The following RPS6KC1 variants were observed in gnomAD, a reference collection of about 807,000 sequenced individuals.
RPS6KC1 encodes ribosomal protein S6 kinase C1.
In RPS6KC1, 54 loss-of-function variants were observed where a neutral mutation model predicts 103.8. That is an observed-to-expected ratio of 0.52 (90% confidence interval 0.42 to 0.65). The LOEUF (loss-of-function observed/expected upper bound fraction) is 0.65, where lower values mean the gene tolerates loss of function less well. Ranked by LOEUF, RPS6KC1 falls within the 30% of genes least tolerant of loss-of-function variation. The pLI, the probability that RPS6KC1 is intolerant of heterozygous loss-of-function variation, is 0.00. For missense variants in RPS6KC1, 1,151 were observed against 1,253.8 expected, an observed-to-expected ratio of 0.92 and a Z score of 1.24; for synonymous variants, 439 against 438.7, an observed-to-expected ratio of 1.00 and a Z score of -0.01.
At chr1:213,347,932 C>T in the RPS6KC1 span, among the ~76,000 whole-genome samples, 4 of 152,066 alleles carry the variant, frequency 2.6e-5, no homozygotes, top group Admixed American at 1.3e-4. Context: ...GGTTATTAAG[C>T]ATACCCCAGG....
intron 12 of RPS6KC1, among the ~76,000 whole-genome samples, chr1:213,257,325 G>C (rs991940352): frequency 6.6e-6 from 1 of 152,164 alleles, no homozygotes; most frequent in Admixed American, 6.5e-5. Context: ...CGATTAGACA[G>C]ACCCATCTGG....
the RPS6KC1 span, among the ~76,000 whole-genome samples, chr1:213,856,221 G>A: frequency 1.3e-5 from 2 of 152,142 alleles, no homozygotes; most frequent in Non-Finnish European, 2.9e-5. Flanking sequence ...TATGGTGGCT[G>A]GAATGTGTCG....
chr1:213,296,954 T>C, the RPS6KC1 span, among the ~76,000 whole-genome samples: 1 of 152,212 alleles, frequency 6.6e-6, no homozygotes, highest in African/African-American at 2.4e-5. Context: ...CAGGTGGCCC[T>C]CTGCTCAGAA....
At chr1:213,655,746 T>A in the RPS6KC1 span, among the ~76,000 whole-genome samples, 8 of 152,212 alleles carry the variant, frequency 5.3e-5, no homozygotes, top group East Asian at 5.8e-4. Context: ...AAAATAAAAA[T>A]ATATATATAC....
intron 3 of RPS6KC1, among the ~76,000 whole-genome samples, chr1:213,094,392 T>C (rs1454761260): frequency 6.6e-6 from 1 of 152,146 alleles, no homozygotes; most frequent in Non-Finnish European, 1.5e-5. Flanking sequence ...TTTTAGCTTT[T>C]TTTTTTTGAT....
intron 4 of RPS6KC1, among the ~76,000 whole-genome samples, chr1:213,110,342 A>C (rs892464957): frequency 2.0e-5 from 3 of 151,948 alleles, no homozygotes; most frequent in Admixed American, 6.6e-5. Context: ...CTAAGTTCTG[A>C]TGTTTTTTTT....
intron 2 of RPS6KC1, among the ~76,000 whole-genome samples, chr1:213,074,233 ATATT>A (rs140245055): frequency 0.011 from 1,604 of 152,308 alleles, 28 homozygotes; most frequent in African/African-American, 0.032. Context: ...TATGTAGAAA[ATATT>A]TAAGGGAATG....
the RPS6KC1 span, among the ~76,000 whole-genome samples, chr1:213,320,426 T>C: frequency 1.3e-5 from 2 of 152,378 alleles, no homozygotes; most frequent in Admixed American, 1.3e-4. Flanking sequence ...AATTAATTTC[T>C]GTGAGCCACA....
At chr1:213,183,235 T>C (rs536674709) in intron 8 of RPS6KC1, among the ~76,000 whole-genome samples, 4 of 152,184 alleles carry the variant, frequency 2.6e-5, no homozygotes, top group South Asian at 4.2e-4. Context: ...ACTTCAACTG[T>C]CTCAAAAACT....
At chr1:213,244,896 A>C (rs2094429925) in intron 12 of RPS6KC1, among the ~76,000 whole-genome samples, 1 of 152,182 alleles carries the variant, frequency 6.6e-6, no homozygotes, top group African/African-American at 2.4e-5. Flanking sequence ...AAAGAATTGT[A>C]CTTCCAAGCT....
At chr1:213,364,667 G>C in the RPS6KC1 span, among the ~76,000 whole-genome samples, 2 of 152,080 alleles carry the variant, frequency 1.3e-5, no homozygotes, top group African/African-American at 2.4e-5. Context: ...AAAGCCTAAG[G>C]CTTCAGCTAG....
chr1:213,779,952 T>C, the RPS6KC1 span, among the ~76,000 whole-genome samples: 14 of 152,202 alleles, frequency 9.2e-5, no homozygotes, highest in Non-Finnish European at 1.9e-4. Context: ...GTTAGTGTGA[T>C]CTGAGTACTT....
At chr1:213,860,655 A>G in the RPS6KC1 span, among the ~76,000 whole-genome samples, 1 of 152,142 alleles carries the variant, frequency 6.6e-6, no homozygotes, top group African/African-American at 2.4e-5. Context: ...AGTCAGGAAT[A>G]GCACTATATG....
chr1:213,086,159 T>G (rs1387358842), intron 3 of RPS6KC1, among the ~76,000 whole-genome samples: 1 of 152,222 alleles, frequency 6.6e-6, no homozygotes, highest in East Asian at 1.9e-4. Context: ...ATGAGCTTAG[T>G]CAGTAGAAGG....
intron 3 of RPS6KC1, among the ~76,000 whole-genome samples, chr1:213,078,824 T>C (rs1325054616): frequency 2.0e-5 from 3 of 152,198 alleles, no homozygotes; most frequent in African/African-American, 7.2e-5. Context: ...AAGTAGTATA[T>C]GCAAATAACT....
chr1:213,762,011 G>A, the RPS6KC1 span, among the ~76,000 whole-genome samples: 1 of 152,026 alleles, frequency 6.6e-6, no homozygotes, highest in Non-Finnish European at 1.5e-5. Flanking sequence ...AGAGCAAAAT[G>A]GTGGGTGGGA....
At chr1:213,220,019 A>C (rs1297302118) in intron 8 of RPS6KC1, among the ~76,000 whole-genome samples, 1 of 152,152 alleles carries the variant, frequency 6.6e-6, no homozygotes, top group Non-Finnish European at 1.5e-5. Flanking sequence ...ATTTAAAAAA[A>C]CCCATCATAT....
In RPS6KC1 at chr1:213,107,018, G is replaced by A. The variant is rs148111231; in HGVS notation, c.378+2449G>A. ...TGCAGTGGCACAATCTCGGCTAACC[G>A]CAACCTCTTGCCTCCCGGGTTCAAG... On this transcript the variant is annotated intron_variant, in intron 4 of 14. Transcript: ENST00000366960. 4.0e-5 allele frequency among the ~76,000 whole-genome samples: 6 copies of A among 151,868 alleles called. 1 individual carries two copies. The highest frequency in any genetic ancestry group is 9.7e-5 in the African/African-American group (4 of 41,422).
chr1:213,528,816 T>G, the RPS6KC1 span, among the ~76,000 whole-genome samples: 1 of 152,182 alleles, frequency 6.6e-6, no homozygotes, highest in Non-Finnish European at 1.5e-5. Flanking sequence ...GAGCGACAAA[T>G]AAACCACAGT....
Sources: gnomAD v4.1 joint callset for allele counts (sites outside exome capture counted in the v4.1 genomes callset) on GRCh38, gnomAD v4.1.1 for gene constraint, MANE v1.5 for transcripts, NCBI Gene and HGNC (gene_info 2026-07-23, HGNC 2026-07-21) for gene names.